Variants in FHIT observed in about 807,000 individuals in gnomAD.
FHIT encodes fragile histidine triad diadenosine triphosphatase.
FHIT carries 19 observed loss-of-function variants against 17.9 expected under a neutral mutation model. That is an observed-to-expected ratio of 1.06 (90% CI 0.74 to 1.56). The LOEUF is 1.56. Ranked by LOEUF, FHIT falls within the 40% of genes most tolerant of loss-of-function variation. The pLI, the probability that FHIT is intolerant of heterozygous loss-of-function variation, is 0.00. For missense variants in FHIT, 248 were observed against 189.2 expected (o/e 1.31, Z -1.82); for synonymous variants, 81 against 69.7 (o/e 1.16, Z -0.81).
intron 4 of FHIT, among the ~76,000 whole-genome samples, chr3:60,788,788 C>T (rs989352049): frequency 1.3e-5 from 2 of 151,996 alleles, no homozygotes; most frequent in Admixed American, 1.3e-4. Context: ...GCATTTGTGG[C>T]CTCCTATCGT....
chr3:60,912,054 TAC>T (rs34525181), intron 3 of FHIT, among the ~76,000 whole-genome samples: 52,158 of 150,202 alleles, frequency 0.35, 10,279 homozygotes, highest in African/African-American at 0.55. Flanking sequence ...CACACACACA[TAC>T]ACACACACAC....
Position 61,093,628 on chromosome 3 carries a change from A to G in FHIT, c.-163-51529T>C, listed in dbSNP as rs184529039. On this transcript the variant is annotated intron_variant, in intron 2 of 9. Coordinates refer to ENST00000492590, the MANE Select transcript of FHIT (RefSeq NM_002012.4). The stretch of plus-strand genomic sequence containing the variant: ...GAAAGTAGATCAGAGCAGATTTGAA[A>G]TTAGATTGACAGGCATCTGCCACAT... Among the ~76,000 whole-genome samples the G allele has an allele frequency of 1.2e-3, 185 of 152,360 alleles. 2 individuals carry two copies. In the Middle Eastern group the frequency reaches 0.014, roughly 11 times the overall value.
intron 5 of FHIT, among the ~76,000 whole-genome samples, chr3:60,043,979 C>T (rs1441499108): frequency 1.3e-5 from 2 of 152,216 alleles, no homozygotes; most frequent in Non-Finnish European, 2.9e-5. Flanking sequence ...TGAACATCTA[C>T]TCGACCCTAA....
chr3:60,748,779 T>G (rs2042409122), intron 4 of FHIT, among the ~76,000 whole-genome samples: 1 of 152,108 alleles, frequency 6.6e-6, no homozygotes, highest in Non-Finnish European at 1.5e-5. Flanking sequence ...GCCACTGGAC[T>G]CCAGCCTGGG....
intron 4 of FHIT, among the ~76,000 whole-genome samples, chr3:60,543,907 CT>C (rs71092612): frequency 1.5e-4 from 8 of 52,062 alleles, no homozygotes; most frequent in African/African-American, 5.8e-4. Flanking sequence ...CCACGCCCGG[CT>C]TTTTTTTTTT....
In FHIT at chr3:60,685,871, T is replaced by C. The variant is rs150468307; in HGVS notation, c.-18+136048A>G. ...ACAAACATACATATTCTTAAAACAT[T>C]AGGAGGAAAAAATTGATTTTTATAT... On this transcript the variant is annotated intron_variant, in intron 4 of 9. Transcript: ENST00000492590. Among the ~76,000 whole-genome samples, 187 of 152,266 alleles carry C rather than the reference T, an allele frequency of 1.2e-3. 1 individual carries two copies. Among genetic ancestry groups the C allele is most frequent in the African/African-American group, 4.4e-3 (184 of 41,556 alleles).
chr3:60,212,498 ATATC>A (rs1337976228), intron 5 of FHIT, among the ~76,000 whole-genome samples: 1 of 152,186 alleles, frequency 6.6e-6, no homozygotes, highest in Non-Finnish European at 1.5e-5. Context: ...AATAATACTA[ATATC>A]TATTTTGGGA....
At chr3:60,271,265 T>C (rs1222508106) in intron 5 of FHIT, among the ~76,000 whole-genome samples, 1 of 151,818 alleles carries the variant, frequency 6.6e-6, no homozygotes, top group African/African-American at 2.4e-5. Flanking sequence ...TAGCCAGGCA[T>C]GGTGGCTCAC....
At chr3:59,948,677 G>A (rs951368006) in intron 7 of FHIT, among the ~76,000 whole-genome samples, 4 of 152,108 alleles carry the variant, frequency 2.6e-5, no homozygotes, top group Admixed American at 6.5e-5. Context: ...AATGTATGCA[G>A]TGATAACTCA....
At chr3:60,071,816 G>A (rs2106979218) in intron 5 of FHIT, among the ~76,000 whole-genome samples, 1 of 152,288 alleles carries the variant, frequency 6.6e-6, no homozygotes, top group Non-Finnish European at 1.5e-5. Flanking sequence ...ACCCATGGGG[G>A]CAGTTCTTTC....
intron 3 of FHIT, among the ~76,000 whole-genome samples, chr3:61,031,178 C>T (rs1178572502): frequency 6.6e-6 from 1 of 152,162 alleles, no homozygotes; most frequent in African/African-American, 2.4e-5. Flanking sequence ...AAGATACTAT[C>T]TGCAGTGGCA....
intron 5 of FHIT, among the ~76,000 whole-genome samples, chr3:60,104,987 C>T (rs1704347324): frequency 1.3e-5 from 2 of 152,118 alleles, no homozygotes; most frequent in Admixed American, 6.5e-5. Context: ...AAAATAAAAA[C>T]TCAACAATAA....
chr3:59,789,301 T>C lies in FHIT; in HGVS notation c.349-36980A>G, dbSNP rs78660350. On this transcript the variant is annotated intron_variant, in intron 8 of 9. Coordinates refer to ENST00000492590, the MANE Select transcript of FHIT (RefSeq NM_002012.4). ...ACATCTTTATAACCCACATTTTTTATGGTCAAAACTTGCTTAGAAAGGTGC... is the reference window on the plus strand; with the variant it reads ...ACATCTTTATAACCCACATTTTTTACGGTCAAAACTTGCTTAGAAAGGTGC... Among the ~76,000 whole-genome samples the C allele has an allele frequency of 5.6e-3, 847 of 152,342 alleles. 3 individuals carry two copies. The highest frequency in any genetic ancestry group is 8.7e-3 in the Non-Finnish European group (594 of 68,028).
intron 2 of FHIT, among the ~76,000 whole-genome samples, chr3:61,063,855 T>C (rs1436164020): frequency 6.6e-6 from 1 of 152,250 alleles, no homozygotes; most frequent in Non-Finnish European, 1.5e-5. Flanking sequence ...TTCCAAATTA[T>C]GATTTCAATG....
intron 5 of FHIT, among the ~76,000 whole-genome samples, chr3:60,254,349 G>C (rs1014569576): frequency 3.9e-5 from 6 of 152,084 alleles, no homozygotes; most frequent in Admixed American, 3.3e-4. Context: ...TATCTAATAA[G>C]AAATGAAGTG....
chr3:61,176,672 A>T (rs749765388), intron 2 of FHIT, among the ~76,000 whole-genome samples: 9 of 152,162 alleles, frequency 5.9e-5, no homozygotes, highest in Non-Finnish European at 1.3e-4. Flanking sequence ...AGCTTTCCAG[A>T]TGCCATCTAA....
intron 4 of FHIT, among the ~76,000 whole-genome samples, chr3:60,760,981 G>A (rs1183308774): frequency 2.0e-5 from 3 of 151,998 alleles, no homozygotes; most frequent in Admixed American, 6.6e-5. Context: ...GTTGGGCTCC[G>A]AGAATGTGAA....
At chr3:61,181,717 C>T (rs189535405) in intron 2 of FHIT, among the ~76,000 whole-genome samples, 4 of 152,270 alleles carry the variant, frequency 2.6e-5, no homozygotes, top group East Asian at 1.9e-4. Flanking sequence ...CCACATAGGG[C>T]CCACTTATAA....
In FHIT at chr3:60,773,220, G is replaced by A. The variant is rs375568857; in HGVS notation, c.-18+48699C>T. Reference sequence around the variant, plus strand: ...AAAAAAAATAGAATTTAAGGGTTACGATCTGCACAATCATGGTCAAAATCA... The same window carrying A: ...AAAAAAAATAGAATTTAAGGGTTACAATCTGCACAATCATGGTCAAAATCA... On this transcript the variant is annotated intron_variant, in intron 4 of 9. Coordinates refer to ENST00000492590, the MANE Select transcript of FHIT (RefSeq NM_002012.4). Among the ~76,000 whole-genome samples, 78 of 152,212 alleles carry A rather than the reference G, an allele frequency of 5.1e-4. No homozygotes were observed. In the East Asian group the frequency reaches 0.014, roughly 28 times the overall value.
Sources: gnomAD v4.1 joint callset for allele counts (sites outside exome capture counted in the v4.1 genomes callset) on GRCh38, gnomAD v4.1.1 for gene constraint, MANE v1.5 for transcripts, NCBI Gene and HGNC (gene_info 2026-07-23, HGNC 2026-07-21) for gene names.